OTOA: variants seen among roughly 807,000 people sequenced by gnomAD.
OTOA encodes the protein cancer/testis antigen 108.
Under a neutral mutation model 110.8 loss-of-function variants are expected in OTOA, and 70 were observed. The ratio of observed to expected loss-of-function variants is 0.63; its 90% CI spans 0.52 to 0.77. The LOEUF is 0.77. Among genes scored for constraint, OTOA ranks in the 30% least tolerant of loss-of-function variants. The probability of loss-of-function intolerance (pLI) is 0.00; values close to 1 mark genes in which losing one functional copy is unlikely to be tolerated. For synonymous variants in OTOA, 373 were observed against 431.5 expected (o/e 0.86, Z 1.68); for missense variants, 917 against 1,075.8 (o/e 0.85, Z 2.06).
chr16:21,695,033 TC>T (rs398119290), intron 9 of OTOA, among the ~76,000 whole-genome samples: 3 of 84,116 alleles, frequency 3.6e-5, no homozygotes, highest in Admixed American at 2.9e-4. Flanking sequence ...TAAAATTAAT[TC>T]TGTTTGGACT....
At chr16:21,757,914 G>T (rs1350910225) in intron 28 of OTOA, among the ~76,000 whole-genome samples, 2 of 152,076 alleles carry the variant, frequency 1.3e-5, no homozygotes, top group African/African-American at 4.8e-5. Context: ...CACCAAGCCT[G>T]GCCTGTCCAA....
chr16:21,668,149 C>T (rs1966844447), intron 1 of OTOA, among the ~76,000 whole-genome samples: 1 of 152,122 alleles, frequency 6.6e-6, no homozygotes, highest in Non-Finnish European at 1.5e-5. Flanking sequence ...TGTTCTGTCA[C>T]TCAGGCTGGA....
chr16:21,667,436 C>T (rs976702303), intron 1 of OTOA, among the ~76,000 whole-genome samples: 3 of 152,056 alleles, frequency 2.0e-5, no homozygotes, highest in African/African-American at 7.2e-5. Flanking sequence ...GGGCAGATCA[C>T]AAGATCAGGA....
chr16:21,757,489 G>T (rs1259818145), intron 28 of OTOA, among the ~76,000 whole-genome samples: 1 of 152,290 alleles, frequency 6.6e-6, no homozygotes, highest in African/African-American at 2.4e-5. Flanking sequence ...GCCCTTGGGT[G>T]GGGGGCATTA....
intron 9 of OTOA, among the ~76,000 whole-genome samples, chr16:21,697,201 C>T (rs765117362): frequency 6.6e-6 from 1 of 151,980 alleles, no homozygotes; most frequent in Non-Finnish European, 1.5e-5. Flanking sequence ...TAACAAGTGG[C>T]CAGGTGACAC....
At chr16:21,732,167 T>A (rs439008) in intron 21 of OTOA, among the ~76,000 whole-genome samples, 1 of 150,832 alleles carries the variant, frequency 6.6e-6, no homozygotes, top group African/African-American at 2.5e-5. Flanking sequence ...GGCTTCACCA[T>A]GTTGGCCAGC....
intron 15 of OTOA, among the ~76,000 whole-genome samples, chr16:21,718,019 C>G (rs767695891): frequency 2.0e-5 from 3 of 152,134 alleles, no homozygotes; most frequent in Non-Finnish European, 2.9e-5. Context: ...TGCAGTGGCA[C>G]AATCTTGGCT....
intron 21 of OTOA, among the ~76,000 whole-genome samples, chr16:21,731,370 C>G (rs1037448163): frequency 6.6e-6 from 1 of 152,154 alleles, no homozygotes; most frequent in Non-Finnish European, 1.5e-5. Context: ...GAGTAAGGCT[C>G]CAGAAGTTAG....
At chr16:21,752,273 G>A (rs1376151440) in intron 25 of OTOA, 96 bp from the exon 26 acceptor site, 5 of 785,890 alleles carry the variant, frequency 6.4e-6, no homozygotes, top group African/African-American at 6.3e-5. Context: ...TGTGCAGTGT[G>A]TGTGTGTATG....
intron 8 of OTOA, among the ~76,000 whole-genome samples, chr16:21,689,530 CA>C (rs1252435654): frequency 4.0e-5 from 6 of 151,880 alleles, no homozygotes; most frequent in African/African-American, 1.5e-4. Flanking sequence ...TGGCTTGAAG[CA>C]AAAAGGGAAT....
At chr16:21,756,762 AG>A (rs1413043009) in intron 27 of OTOA, among the ~76,000 whole-genome samples, 2 of 151,880 alleles carry the variant, frequency 1.3e-5, no homozygotes, top group Admixed American at 1.3e-4. Context: ...CCAGGGGTTC[AG>A]ATATTGTTGG....
chr16:21,730,947 T>C lies in OTOA; in HGVS notation c.2301+17T>C, dbSNP rs1351793710. ...GCCACAAAGGTAATGTTGTGCTCCA[T>C]CTTAAGAAGGCTGAAGGAGTTTGAA... On this transcript the variant is annotated intron_variant, in intron 21 of 28. Transcript: ENST00000646100. The C allele has an allele frequency of 5.8e-6, 8 of 1,367,716 alleles. No homozygotes were observed. In the East Asian group the frequency reaches 1.9e-4, roughly 32 times the overall value. 84.7% of individuals were successfully genotyped at this position (1,367,716 alleles called of 1,614,324 possible).
intron 11 of OTOA, among the ~76,000 whole-genome samples, chr16:21,704,237 C>G (rs1343310707): frequency 1.3e-5 from 2 of 152,054 alleles, no homozygotes; most frequent in Non-Finnish European, 2.9e-5. Context: ...TGGGTGGGTA[C>G]CAGAAGGCAT....
At chr16:21,684,141 T>A (rs1426323595) in intron 6 of OTOA, among the ~76,000 whole-genome samples, 1 of 150,646 alleles carries the variant, frequency 6.6e-6, no homozygotes, top group African/African-American at 2.4e-5. Flanking sequence ...AAAAAAAAAA[T>A]GTGTAGTTTT....
chr16:21,756,252 G>A (rs1426827978), intron 27 of OTOA, among the ~76,000 whole-genome samples: 1 of 151,446 alleles, frequency 6.6e-6, no homozygotes, highest in Non-Finnish European at 1.5e-5. Flanking sequence ...AGTCCTTGAA[G>A]ACATAGTCTG....
intron 14 of OTOA, 99 bp from the exon 15 acceptor site, chr16:21,716,808 G>GTTGCTGAGCGGT: frequency 2.8e-6 from 4 of 1,436,512 alleles, no homozygotes; most frequent in Non-Finnish European, 3.9e-6. Flanking sequence ...TGCTGAGCGG[G>GTTGCTGAGCGGT]TCTGATGGAT....
chr16:21,692,582 CAA>C (rs1897852767), intron 9 of OTOA, among the ~76,000 whole-genome samples: 1 of 151,930 alleles, frequency 6.6e-6, no homozygotes, highest in African/African-American at 2.4e-5. Context: ...GACGGTTGCA[CAA>C]TAGTGTGGAT....
rs1898310803 is a variant in OTOA at position 21,710,082 on chromosome 16, C to T, written c.1299C>T (p.Ala433=). 1 of 1,613,276 alleles carries T rather than the reference C, an allele frequency of 6.2e-7. No individual in the cohort carries two copies. Among genetic ancestry groups the T allele is most frequent in the Non-Finnish European group, 8.5e-7 (1 of 1,179,742 alleles). Residue 433 remains alanine, a synonymous_variant, in exon 13 of 29, where the codon GCC becomes GCT. Coordinates refer to ENST00000646100, the MANE Select transcript of OTOA (RefSeq NM_144672.4). ...WAKSQVIILS[A]KYLAHEKVLS... is the part of the protein sequence containing the mutation. ...AGAGCCAGGTCATCATCTTGTCTGC[C>T]AAATACTTGGCCCATGAGAAGGTCA...
intron 9 of OTOA, among the ~76,000 whole-genome samples, chr16:21,697,002 T>C (rs1230538914): frequency 6.7e-6 from 1 of 149,332 alleles, no homozygotes; most frequent in Non-Finnish European, 1.5e-5. Context: ...CAATCCTCCC[T>C]TCTCAGTTTC....
Sources: allele counts gnomAD v4.1 joint callset (sites outside exome capture counted in the v4.1 genomes callset), GRCh38; gene constraint gnomAD v4.1.1; transcripts MANE v1.5; gene names NCBI Gene and HGNC (gene_info 2026-07-23, HGNC 2026-07-21).